The following SH3RF1 variants were observed in gnomAD, a reference collection of about 807,000 sequenced individuals.
The protein encoded by SH3RF1 is SH3 domain containing ring finger 1.
A neutral mutation model predicts 74.0 loss-of-function variants in SH3RF1; 32 were observed. That is an observed-to-expected ratio of 0.43 (90% CI 0.33 to 0.58). The LOEUF is 0.58. SH3RF1 is among the 20% of genes least tolerant of loss of function. The pLI is 0.05. For missense variants in SH3RF1, 954 were observed against 1,130.9 expected, an observed-to-expected ratio of 0.84 and a Z score of 2.24; for synonymous variants, 396 against 439.6, an observed-to-expected ratio of 0.90 and a Z score of 1.24.
At chr4:169,264,966 A>G (rs1235046017) in intron 2 of SH3RF1, among the ~76,000 whole-genome samples, 1 of 151,996 alleles carries the variant, frequency 6.6e-6, no homozygotes, top group Non-Finnish European at 1.5e-5. Context: ...ATATCATTTC[A>G]CCCTTAAGAT....
chr4:169,107,778 C>A (rs186957866), intron 10 of SH3RF1, among the ~76,000 whole-genome samples: 58 of 152,298 alleles, frequency 3.8e-4, no homozygotes, highest in African/African-American at 1.4e-3. Context: ...AAGAGCTAAA[C>A]CACTTCTCAC....
chr4:169,189,635 G>C (rs1364120125), intron 2 of SH3RF1, among the ~76,000 whole-genome samples: 1 of 152,200 alleles, frequency 6.6e-6, no homozygotes, highest in African/African-American at 2.4e-5. Context: ...TGCTGTTAGA[G>C]AAAGTTGGGT....
chr4:169,168,997 C>T (rs1441372540), intron 2 of SH3RF1, among the ~76,000 whole-genome samples: 1 of 152,134 alleles, frequency 6.6e-6, no homozygotes, highest in Non-Finnish European at 1.5e-5. Context: ...CTGTCATGAC[C>T]TTCTACAATG....
intron 5 of SH3RF1, among the ~76,000 whole-genome samples, chr4:169,134,181 C>A (rs1391483614): frequency 6.6e-6 from 1 of 152,136 alleles, no homozygotes; most frequent in African/African-American, 2.4e-5. Context: ...CAACACTCTG[C>A]CACTGAAAAC....
At chr4:169,158,980 C>A (rs1054044878) in intron 2 of SH3RF1, among the ~76,000 whole-genome samples, 2 of 152,178 alleles carry the variant, frequency 1.3e-5, no homozygotes, top group African/African-American at 4.8e-5. Flanking sequence ...ATTAGAACTT[C>A]CCTGAGAGGC....
At chr4:169,231,013 C>T (rs918780096) in intron 2 of SH3RF1, among the ~76,000 whole-genome samples, 1 of 152,046 alleles carries the variant, frequency 6.6e-6, no homozygotes, top group Non-Finnish European at 1.5e-5. Context: ...TAAAATGTAA[C>T]GAAAAGGCCA....
intron 11 of SH3RF1, among the ~76,000 whole-genome samples, chr4:169,101,687 A>C: frequency 6.6e-6 from 1 of 152,044 alleles, no homozygotes; most frequent in South Asian, 2.1e-4. Flanking sequence ...AAAAAAAAAA[A>C]AAAGAAAGGA....
At chr4:169,257,386 C>T (rs1731207429) in intron 2 of SH3RF1, among the ~76,000 whole-genome samples, 1 of 152,230 alleles carries the variant, frequency 6.6e-6, no homozygotes, top group Admixed American at 6.5e-5. Flanking sequence ...CCCTGTTCGC[C>T]TCAGACAGTC....
intron 2 of SH3RF1, among the ~76,000 whole-genome samples, chr4:169,210,239 A>C (rs1730335647): frequency 6.6e-6 from 1 of 150,950 alleles, no homozygotes; most frequent in African/African-American, 2.4e-5. Context: ...CTTCCCTCCT[A>C]CTCTCCTTTC....
At chr4:169,104,431 T>C (rs1416686786) in intron 11 of SH3RF1, among the ~76,000 whole-genome samples, 3 of 152,188 alleles carry the variant, frequency 2.0e-5, no homozygotes, top group African/African-American at 7.2e-5. Flanking sequence ...AGTAAGAGAT[T>C]CAGTGAATTC....
intron 2 of SH3RF1, among the ~76,000 whole-genome samples, chr4:169,160,472 C>G (rs568425882): frequency 6.6e-6 from 1 of 152,314 alleles, no homozygotes; most frequent in Admixed American, 6.5e-5. Flanking sequence ...CCTAGGGTTA[C>G]ATTTCCGTGA....
intron 10 of SH3RF1, among the ~76,000 whole-genome samples, chr4:169,113,185 A>T (rs915479717): frequency 2.0e-5 from 3 of 150,774 alleles, no homozygotes; most frequent in Admixed American, 2.0e-4. Context: ...ATCTCGGCTC[A>T]CTGCAACCTC....
chr4:169,252,987 C>T (rs1362243245), intron 2 of SH3RF1, among the ~76,000 whole-genome samples: 1 of 152,020 alleles, frequency 6.6e-6, no homozygotes, highest in African/African-American at 2.4e-5. Flanking sequence ...AGAAAAAAGC[C>T]CTAGGGGTGG....
At chr4:169,196,080 G>A (rs772363851) in intron 2 of SH3RF1, among the ~76,000 whole-genome samples, 12 of 152,186 alleles carry the variant, frequency 7.9e-5, no homozygotes, top group Admixed American at 1.3e-4. Context: ...CTCCCAAAGT[G>A]TTGAGATTAC....
At chr4:169,216,480 T>G (rs1456279659) in intron 2 of SH3RF1, among the ~76,000 whole-genome samples, 1 of 152,206 alleles carries the variant, frequency 6.6e-6, no homozygotes, top group Non-Finnish European at 1.5e-5. Context: ...TTTATTGTTG[T>G]TGTGAGGATA....
At chr4:169,100,525 A>C (rs922645733) in intron 11 of SH3RF1, among the ~76,000 whole-genome samples, 2 of 152,140 alleles carry the variant, frequency 1.3e-5, no homozygotes, top group Non-Finnish European at 2.9e-5. Flanking sequence ...TATTTTCAAT[A>C]GAGACAGGGT....
intron 2 of SH3RF1, among the ~76,000 whole-genome samples, chr4:169,253,191 C>A (rs923428806): frequency 1.3e-5 from 2 of 152,188 alleles, no homozygotes; most frequent in Non-Finnish European, 2.9e-5. Context: ...ACCTAGAAAC[C>A]ACAGCGTGGC....
intron 2 of SH3RF1, among the ~76,000 whole-genome samples, chr4:169,229,931 C>T (rs1302612268): frequency 6.7e-6 from 1 of 148,312 alleles, no homozygotes; most frequent in Non-Finnish European, 1.5e-5. Flanking sequence ...CTTGGCCAGG[C>T]GAGGTGGCTC....
chr4:169,164,707 C>T (rs909390408), intron 2 of SH3RF1, among the ~76,000 whole-genome samples: 2 of 152,186 alleles, frequency 1.3e-5, no homozygotes, highest in Non-Finnish European at 2.9e-5. Context: ...ATAGTCCGTT[C>T]TGGAAGTGGG....
Sources: allele counts gnomAD v4.1 joint callset (sites outside exome capture counted in the v4.1 genomes callset), GRCh38; gene constraint gnomAD v4.1.1; transcripts MANE v1.5; gene names NCBI Gene and HGNC (gene_info 2026-07-23, HGNC 2026-07-21).